DLGAP1: variants seen among roughly 807,000 people sequenced by gnomAD.
DLGAP1 encodes disks large-associated protein 1.
In DLGAP1, 11 loss-of-function variants were observed where a neutral mutation model predicts 90.8. The ratio of observed to expected loss-of-function variants is 0.12; its 90% CI spans 0.08 to 0.20. The LOEUF is 0.20. Among genes scored for constraint, DLGAP1 ranks in the 10% least tolerant of loss-of-function variants. DLGAP1 has a pLI of 1.00. For missense variants in DLGAP1, 1,050 were observed against 1,333.8 expected (o/e 0.79, Z 3.31); for synonymous variants, 558 against 540.7 (o/e 1.03, Z -0.44).
intron 7 of DLGAP1, among the ~76,000 whole-genome samples, chr18:3,683,577 T>C (rs1211789124): frequency 6.6e-6 from 1 of 152,180 alleles, no homozygotes; most frequent in Non-Finnish European, 1.5e-5. Context: ...TAATAAGTGC[T>C]CAAGTGGGCT....
At chr18:3,753,097 G>C (rs2063569941) in intron 5 of DLGAP1, among the ~76,000 whole-genome samples, 1 of 152,200 alleles carries the variant, frequency 6.6e-6, no homozygotes, top group African/African-American at 2.4e-5. Flanking sequence ...GAATGACAGA[G>C]AGGAATTAGG....
At chr18:3,913,002 GA>G (rs1002761339) in intron 3 of DLGAP1, among the ~76,000 whole-genome samples, 1 of 151,984 alleles carries the variant, frequency 6.6e-6, no homozygotes, top group African/African-American at 2.4e-5. Flanking sequence ...CACAGCTGAA[GA>G]AAAAAAATAA....
In DLGAP1 at chr18:4,291,309, C is replaced by T. The variant is rs78235464; in HGVS notation, c.-266-140022G>A. On this transcript the variant is annotated intron_variant, in intron 1 of 12. Transcript: ENST00000315677. The stretch of plus-strand genomic sequence containing the variant: ...GCTACTGGCATTTCTTTGGTTTTGT[C>T]CAGAGAGGGGTAACCCTGCGTCATC... Among the ~76,000 whole-genome samples the T allele has an allele frequency of 3.9e-4, 60 of 152,218 alleles. No homozygotes were observed. In the East Asian group the frequency reaches 0.011, roughly 27 times the overall value.
At chr18:3,783,199 G>C (rs1568126825) in intron 5 of DLGAP1, among the ~76,000 whole-genome samples, 1 of 152,148 alleles carries the variant, frequency 6.6e-6, no homozygotes, top group Admixed American at 6.5e-5. Context: ...TACACATCTA[G>C]TGGGAAGAAA....
At chr18:4,068,773 T>G (rs550245940) in intron 2 of DLGAP1, among the ~76,000 whole-genome samples, 1 of 152,172 alleles carries the variant, frequency 6.6e-6, no homozygotes, top group Non-Finnish European at 1.5e-5. Context: ...AAAACTACAG[T>G]GAACATGTCA....
intron 5 of DLGAP1, chr18:3,771,511 G>A (rs1342564270): frequency 6.6e-6 from 1 of 152,368 alleles, no homozygotes; most frequent in Non-Finnish European, 1.5e-5. Context: ...GACCGGCAGG[G>A]GGCGGTCGAG....
At position 4,128,616 on chromosome 18, in the gene DLGAP1, A is replaced by G. The variant is rs147012852; in HGVS notation, c.-159+22564T>C. Among the ~76,000 whole-genome samples, 384 of 152,302 alleles carry G rather than the reference A, an allele frequency of 2.5e-3. 1 individual carries two copies. Among genetic ancestry groups the G allele is most frequent in the Non-Finnish European group, 4.9e-3 (331 of 68,024 alleles). On this transcript the variant is annotated intron_variant, in intron 2 of 12. Coordinates refer to ENST00000315677, the MANE Select transcript of DLGAP1 (RefSeq NM_004746.4). ...GGCATGAACCATGGAAACATCTCCAACTGCTAAGTTCCTACAGAGAGACAC... is the reference window on the plus strand; with the variant it reads ...GGCATGAACCATGGAAACATCTCCAGCTGCTAAGTTCCTACAGAGAGACAC...
intron 9 of DLGAP1, among the ~76,000 whole-genome samples, chr18:3,554,196 G>C (rs1183446481): frequency 6.6e-6 from 1 of 152,152 alleles, no homozygotes; most frequent in African/African-American, 2.4e-5. Flanking sequence ...AAGGATGAGA[G>C]ACAATTGGGA....
At chr18:4,110,298 G>A (rs2075950330) in intron 2 of DLGAP1, among the ~76,000 whole-genome samples, 1 of 152,106 alleles carries the variant, frequency 6.6e-6, no homozygotes, top group Admixed American at 6.6e-5. Context: ...AAAAAGTACA[G>A]TAAAATACAT....
intron 6 of DLGAP1, among the ~76,000 whole-genome samples, chr18:3,733,191 T>C (rs544356428): frequency 6.6e-6 from 1 of 152,322 alleles, no homozygotes; most frequent in African/African-American, 2.4e-5. Flanking sequence ...TACATAGTTG[T>C]GCTATATTTA....
intron 1 of DLGAP1, among the ~76,000 whole-genome samples, chr18:4,331,519 T>C (rs1270108296): frequency 1.3e-5 from 2 of 151,794 alleles, no homozygotes; most frequent in African/African-American, 2.4e-5. Context: ...CCCACCTTCA[T>C]GCCATTTCTT....
At chr18:3,944,735 TAAG>T (rs1221258537) in intron 3 of DLGAP1, among the ~76,000 whole-genome samples, 2 of 152,220 alleles carry the variant, frequency 1.3e-5, no homozygotes, top group East Asian at 1.9e-4. Flanking sequence ...GTTGTGAAGG[TAAG>T]AAGAAGTTGA....
intron 1 of DLGAP1, among the ~76,000 whole-genome samples, chr18:4,452,081 G>T (rs2083849518): frequency 6.6e-6 from 1 of 152,092 alleles, no homozygotes; most frequent in South Asian, 2.1e-4. Flanking sequence ...AGGTAAGTGT[G>T]ATTTCTATAG....
At chr18:4,092,644 C>G (rs544029192) in intron 2 of DLGAP1, among the ~76,000 whole-genome samples, 1 of 152,210 alleles carries the variant, frequency 6.6e-6, no homozygotes, top group South Asian at 2.1e-4. Flanking sequence ...TTTGCTGCTC[C>G]TTCTCTATCG....
At chr18:3,790,157 T>C (rs2065660352) in intron 5 of DLGAP1, among the ~76,000 whole-genome samples, 1 of 152,182 alleles carries the variant, frequency 6.6e-6, no homozygotes, top group African/African-American at 2.4e-5. Flanking sequence ...ATGACCTTCT[T>C]TCTCTTTGTT....
intron 1 of DLGAP1, among the ~76,000 whole-genome samples, chr18:4,388,066 C>A (rs534494895): frequency 6.6e-6 from 1 of 151,916 alleles, no homozygotes; most frequent in South Asian, 2.1e-4. Context: ...GGGGAAGAAT[C>A]GGGGTCAGCA....
At chr18:4,134,425 T>C (rs1226802816) in intron 2 of DLGAP1, among the ~76,000 whole-genome samples, 1 of 152,104 alleles carries the variant, frequency 6.6e-6, no homozygotes, top group East Asian at 1.9e-4. Context: ...ATATTCAAAC[T>C]AGGCAGAATT....
chr18:4,271,232 GCCCCAGGA>G (rs2079273260), intron 1 of DLGAP1, among the ~76,000 whole-genome samples: 1 of 152,070 alleles, frequency 6.6e-6, no homozygotes, highest in African/African-American at 2.4e-5. Context: ...TGGTGAGTAG[GCCCCAGGA>G]CCAATATTTT....
intron 2 of DLGAP1, among the ~76,000 whole-genome samples, chr18:4,012,347 AC>A (rs1599324429): frequency 2.0e-5 from 3 of 152,018 alleles, no homozygotes; most frequent in Admixed American, 2.0e-4. Context: ...TCAGACTGAC[AC>A]CTTTGCCCAC....
Sources: allele counts gnomAD v4.1 joint callset (sites outside exome capture counted in the v4.1 genomes callset), GRCh38; gene constraint gnomAD v4.1.1; transcripts MANE v1.5; gene names NCBI Gene and HGNC (gene_info 2026-07-23, HGNC 2026-07-21).